Variants in NCKAP5 observed in about 807,000 individuals in gnomAD.
NCKAP5 encodes nck-associated protein 5.
Under a neutral mutation model 167.0 loss-of-function variants are expected in NCKAP5, and 92 were observed. The ratio of observed to expected loss-of-function variants is 0.55; its 90% CI spans 0.47 to 0.66. The LOEUF (loss-of-function observed/expected upper bound fraction) is 0.66. NCKAP5 is among the 30% of genes least tolerant of loss of function. The pLI, the probability that NCKAP5 is intolerant of heterozygous loss-of-function variation, is 0.00. For missense variants in NCKAP5, 2,378 were observed against 2,315.0 expected, an observed-to-expected ratio of 1.03 and a Z score of -0.56; for synonymous variants, 891 against 877.4, an observed-to-expected ratio of 1.02 and a Z score of -0.27.
chr2:133,210,200 T>TAATATAATATAATATAATATAAC (rs1351794723), intron 5 of NCKAP5, among the ~76,000 whole-genome samples: 2 of 148,434 alleles, frequency 1.3e-5, no homozygotes, highest in African/African-American at 5.0e-5. Flanking sequence ...TAATATAACA[T>TAATATAATATAATATAATATAAC]AATATAATGT....
intron 6 of NCKAP5, among the ~76,000 whole-genome samples, chr2:133,045,372 T>C (rs1012324128): frequency 1.3e-5 from 2 of 151,910 alleles, no homozygotes; most frequent in Admixed American, 6.6e-5. Context: ...AGTATATATA[T>C]CTATATCTAT....
chr2:132,782,986 G>A lies in NCKAP5; in HGVS notation c.3825C>T (p.Ser1275=), dbSNP rs756724910. The A allele has an allele frequency of 1.1e-5, 18 of 1,613,872 alleles. No individual in the cohort carries two copies. Among genetic ancestry groups the A allele is most frequent in the Middle Eastern group, 1.6e-4 (1 of 6,084 alleles). ...CTCCTGAGTGTGTACTGAAGCTGTGGCTGCGGGCTTTGGCGCCATTCATAC... is the reference window on the plus strand; with the variant it reads ...CTCCTGAGTGTGTACTGAAGCTGTGACTGCGGGCTTTGGCGCCATTCATAC... ...ALGMNGAKAR[S]HSFSTHSGDK... is the part of the protein sequence containing the mutation. Residue 1275 remains serine (S), a synonymous_variant, in exon 14 of 20, where the codon AGC becomes AGT. Transcript: ENST00000409261.
intron 18 of NCKAP5, 58 bp downstream of exon 18, chr2:132,728,758 C>A (rs1021315048): frequency 3.8e-6 from 6 of 1,584,548 alleles, no homozygotes; most frequent in Non-Finnish European, 5.1e-6. Context: ...TTAGGGTACA[C>A]TTTTTAGAAT....
chr2:132,892,623 C>CA (rs1417872828), intron 8 of NCKAP5, among the ~76,000 whole-genome samples: 1 of 152,116 alleles, frequency 6.6e-6, no homozygotes, highest in East Asian at 1.9e-4. Context: ...TTAAACTATG[C>CA]AAAACTCATT....
chr2:133,186,046 A>C (rs758359471), intron 5 of NCKAP5, among the ~76,000 whole-genome samples: 21 of 152,042 alleles, frequency 1.4e-4, no homozygotes, highest in Non-Finnish European at 2.9e-4. Context: ...TCCGTTCCTC[A>C]AGGAGAATGC....
chr2:132,855,273 T>A (rs560551515), intron 11 of NCKAP5, among the ~76,000 whole-genome samples: 1 of 152,188 alleles, frequency 6.6e-6, no homozygotes, highest in Non-Finnish European at 1.5e-5. Context: ...CTCCATATGT[T>A]TTCATGTCTG....
intron 6 of NCKAP5, among the ~76,000 whole-genome samples, chr2:133,112,401 G>A (rs528709147): frequency 4.6e-5 from 7 of 152,242 alleles, no homozygotes; most frequent in African/African-American, 1.2e-4. Context: ...GTGAACCCGG[G>A]AGGCGGAGCT....
chr2:132,829,145 A>G, intron 11 of NCKAP5, among the ~76,000 whole-genome samples: 1 of 152,240 alleles, frequency 6.6e-6, no homozygotes, highest in East Asian at 1.9e-4. Flanking sequence ...TTTATTGAAT[A>G]TTAGTAATAA....
chr2:133,163,283 C>G (rs970376934), intron 5 of NCKAP5, among the ~76,000 whole-genome samples: 1 of 152,184 alleles, frequency 6.6e-6, no homozygotes, highest in African/African-American at 2.4e-5. Flanking sequence ...ACAGCTGCTT[C>G]TTGTGCTTTA....
chr2:132,824,735 G>A (rs2105336369), intron 11 of NCKAP5, among the ~76,000 whole-genome samples: 1 of 152,264 alleles, frequency 6.6e-6, no homozygotes, highest in African/African-American at 2.4e-5. Flanking sequence ...TCAAGCAAGA[G>A]CATTTTAAAT....
At chr2:133,111,659 T>C (rs2081917696) in intron 6 of NCKAP5, among the ~76,000 whole-genome samples, 1 of 152,216 alleles carries the variant, frequency 6.6e-6, no homozygotes, top group African/African-American at 2.4e-5. Context: ...TTCTCTGTCA[T>C]AGCGGCATAA....
At chr2:133,230,477 T>C (rs1348188073) in intron 4 of NCKAP5, among the ~76,000 whole-genome samples, 1 of 152,186 alleles carries the variant, frequency 6.6e-6, no homozygotes, top group African/African-American at 2.4e-5. Context: ...AGAGGAAACA[T>C]TACCAATACT....
chr2:133,254,015 C>G (rs989213868), intron 4 of NCKAP5, among the ~76,000 whole-genome samples: 1 of 152,116 alleles, frequency 6.6e-6, no homozygotes, highest in Non-Finnish European at 1.5e-5. Context: ...TTCATTGCTC[C>G]ACTGCAAAAG....
At chr2:133,314,020 G>A (rs954615234) in intron 3 of NCKAP5, among the ~76,000 whole-genome samples, 2 of 152,114 alleles carry the variant, frequency 1.3e-5, no homozygotes, top group Non-Finnish European at 2.9e-5. Flanking sequence ...CCCAAATACT[G>A]GATCACGGAC....
At chr2:132,981,560 T>TCC (rs1222674387) in intron 7 of NCKAP5, among the ~76,000 whole-genome samples, 1 of 152,164 alleles carries the variant, frequency 6.6e-6, no homozygotes, top group African/African-American at 2.4e-5. Flanking sequence ...AACAGCTCTT[T>TCC]CCCCCGGTTC....
rs139763390 is a variant in NCKAP5, at chr2:133,209,153, T to C, written c.207+4563A>G. Among the ~76,000 whole-genome samples the C allele has an allele frequency of 7.3e-3, 1,114 of 152,022 alleles. 11 individuals are homozygous for C. The highest frequency in any genetic ancestry group is 0.025 in the African/African-American group (1,046 of 41,430). ...CTTGGGGTAGGATGGACCATTTTTA[T>C]GCATACCAATATTGAAGACAACACT... On this transcript the variant is annotated intron_variant, in intron 5 of 19. Transcript: ENST00000409261.
chr2:133,402,548 G>A (rs1688168350), intron 3 of NCKAP5, among the ~76,000 whole-genome samples: 1 of 152,134 alleles, frequency 6.6e-6, no homozygotes, highest in South Asian at 2.1e-4. Context: ...CAATGTTGGA[G>A]GTGGGCCTAG....
chr2:133,030,745 T>C (rs762071398), intron 6 of NCKAP5, among the ~76,000 whole-genome samples: 60 of 152,302 alleles, frequency 3.9e-4, no homozygotes, highest in African/African-American at 5.1e-4. Context: ...GGGAATACCA[T>C]AGACTGGGTG....
At chr2:133,224,041 T>G (rs1418850233) in intron 4 of NCKAP5, among the ~76,000 whole-genome samples, 1 of 152,246 alleles carries the variant, frequency 6.6e-6, no homozygotes, top group Non-Finnish European at 1.5e-5. Context: ...AGGCTTGTCC[T>G]TAACTAGCTT....
Sources: allele counts gnomAD v4.1 joint callset (sites outside exome capture counted in the v4.1 genomes callset), GRCh38; gene constraint gnomAD v4.1.1; transcripts MANE v1.5; gene names NCBI Gene and HGNC (gene_info 2026-07-23, HGNC 2026-07-21).